The following NME5 variants were observed in gnomAD, a reference collection of about 807,000 sequenced individuals.
NME5 encodes the protein nucleoside diphosphate kinase 5.
Under a neutral mutation model 21.6 loss-of-function variants are expected in NME5, and 18 were observed. The observed-to-expected ratio is 0.83, with a 90% CI of 0.58 to 1.24. The LOEUF (loss-of-function observed/expected upper bound fraction) is 1.24, where lower values mean the gene tolerates loss of function less well. NME5 is among the 50% of genes most tolerant of loss of function. NME5 has a pLI of 0.00. For synonymous variants in NME5, 70 were observed against 80.6 expected, an observed-to-expected ratio of 0.87 and a Z score of 0.71; for missense variants, 223 against 255.4, an observed-to-expected ratio of 0.87 and a Z score of 0.86.
intron 2 of NME5, among the ~76,000 whole-genome samples, chr5:138,134,071 T>G (rs1176063890): frequency 2.0e-5 from 3 of 152,148 alleles, no homozygotes; most frequent in Non-Finnish European, 1.5e-5. Flanking sequence ...CTAGGGAAAG[T>G]GTCATATATA....
At chr5:138,120,175 C>CCACCTCA (rs1751251823) in intron 4 of NME5, among the ~76,000 whole-genome samples, 1 of 151,650 alleles carries the variant, frequency 6.6e-6, no homozygotes, top group African/African-American at 2.4e-5. Flanking sequence ...AGCAATCCTC[C>CCACCTCA]CACCTCAGCC....
At chr5:138,126,510 C>CAAAAAAAAAAAAAAAAAAAAA (rs57938582) in intron 4 of NME5, among the ~76,000 whole-genome samples, 4 of 54,204 alleles carry the variant, frequency 7.4e-5, no homozygotes, top group Non-Finnish European at 9.4e-5. Context: ...GAATCTATCT[C>CAAAAAAAAAAAAAAAAAAAAA]AAAAAAAAAA....
At chr5:138,133,134 T>A (rs1264927784) in intron 2 of NME5, among the ~76,000 whole-genome samples, 2 of 151,224 alleles carry the variant, frequency 1.3e-5, no homozygotes, top group African/African-American at 4.9e-5. Flanking sequence ...CTCATCTCAC[T>A]CTGTCCTCCA....
intron 2 of NME5, among the ~76,000 whole-genome samples, chr5:138,135,780 A>C (rs962439970): frequency 6.6e-6 from 1 of 152,222 alleles, no homozygotes; most frequent in African/African-American, 2.4e-5. Flanking sequence ...TCTTATTCCT[A>C]TCCATTTCCT....
chr5:138,127,134 TTTTG>T (rs1427681599), intron 4 of NME5, among the ~76,000 whole-genome samples: 1 of 152,006 alleles, frequency 6.6e-6, no homozygotes, highest in Non-Finnish European at 1.5e-5. Flanking sequence ...TAAAAGTGGT[TTTTG>T]TTTGTTTGTT....
chr5:138,134,176 A>G (rs145482412), intron 2 of NME5, among the ~76,000 whole-genome samples: 2,684 of 152,182 alleles, frequency 0.018, 54 homozygotes, highest in African/African-American at 0.051. Context: ...CCCGGGTTCA[A>G]GTGATTCTCC....
chr5:138,120,126 C>T (rs1011178346), intron 4 of NME5, among the ~76,000 whole-genome samples: 6 of 151,048 alleles, frequency 4.0e-5, no homozygotes, highest in African/African-American at 1.5e-4. Context: ...TGTTTAGAGA[C>T]AGGGTGTCAC....
chr5:138,122,826 T>G (rs905872579), intron 4 of NME5, among the ~76,000 whole-genome samples: 34 of 151,844 alleles, frequency 2.2e-4, no homozygotes, highest in Admixed American at 5.9e-4. Flanking sequence ...TACAGATGCA[T>G]GCCACTATGC....
intron 2 of NME5, among the ~76,000 whole-genome samples, chr5:138,130,576 G>C (rs1220569713): frequency 6.6e-6 from 1 of 152,118 alleles, no homozygotes; most frequent in East Asian, 1.9e-4. Context: ...ATCACTTGAG[G>C]TCAGGGGTTC....
intron 2 of NME5, among the ~76,000 whole-genome samples, chr5:138,130,534 A>C (rs1751537131): frequency 6.6e-6 from 1 of 152,166 alleles, no homozygotes; most frequent in South Asian, 2.1e-4. Context: ...CAGGCTTGTA[A>C]TCCCAACACT....
chr5:138,120,347 C>T (rs1357556026), intron 4 of NME5, among the ~76,000 whole-genome samples: 2 of 150,486 alleles, frequency 1.3e-5, no homozygotes, highest in African/African-American at 2.4e-5. Context: ...CATTCTCCTG[C>T]CTCAGCCTTC....
At chr5:138,134,404 C>T (rs977822342) in intron 2 of NME5, among the ~76,000 whole-genome samples, 2 of 152,066 alleles carry the variant, frequency 1.3e-5, no homozygotes, top group Admixed American at 1.3e-4. Flanking sequence ...CCACCACGCC[C>T]GGCTAATTTT....
intron 4 of NME5, among the ~76,000 whole-genome samples, chr5:138,122,607 T>C (rs1751312389): frequency 6.6e-6 from 1 of 151,854 alleles, no homozygotes; most frequent in African/African-American, 2.4e-5. Context: ...TGGGCAAATG[T>C]TTTATTCATA....
At chr5:138,126,175 C>T (rs553021907) in intron 4 of NME5, among the ~76,000 whole-genome samples, 53 of 152,190 alleles carry the variant, frequency 3.5e-4, no homozygotes, top group African/African-American at 1.1e-3. Context: ...TCATGCCTAG[C>T]GGATTAATTT....
In NME5 at chr5:138,118,842, A is replaced by G. The variant is rs756677778; in HGVS notation, c.531T>C (p.Cys177=). The part of the protein sequence containing the change: ...PTLLEGLTEL[C]KQKPADPLIW... The stretch of plus-strand genomic sequence containing the variant: ...CCAAAGGATCTGCTGGTTTTTGCTT[A>G]CAAAGCTCTGTGAGTCCTTCAAGCA... The change falls in exon 5 of 6, where the codon TGT becomes TGC. Residue 177 remains cysteine (C), a synonymous_variant. Transcript: ENST00000265191. 3 of 1,610,880 alleles carry G rather than the reference A, an allele frequency of 1.9e-6. No homozygotes were observed. In the South Asian group the frequency reaches 3.3e-5, roughly 18 times the overall value.
chr5:138,120,856 T>C (rs1751271798), intron 4 of NME5, among the ~76,000 whole-genome samples: 1 of 152,268 alleles, frequency 6.6e-6, no homozygotes, highest in Non-Finnish European at 1.5e-5. Flanking sequence ...AATAAACCCA[T>C]CATAAGTTGA....
intron 2 of NME5, among the ~76,000 whole-genome samples, chr5:138,133,845 G>A (rs1751629216): frequency 2.0e-5 from 3 of 152,168 alleles, no homozygotes; most frequent in Admixed American, 1.3e-4. Context: ...GGGAAGCAAC[G>A]AGTTAGCATT....
At chr5:138,138,983 T>G (rs1751797789) in intron 1 of NME5, 198 bp from the exon 2 acceptor site, 1 of 473,198 alleles carries the variant, frequency 2.1e-6, no homozygotes, top group African/African-American at 2.0e-5. Context: ...TCCTACTATG[T>G]CCAAATCGAG....
intron 2 of NME5, among the ~76,000 whole-genome samples, chr5:138,136,296 G>A (rs192516628): frequency 9.0e-4 from 137 of 152,324 alleles, no homozygotes; most frequent in African/African-American, 3.2e-3. Flanking sequence ...TGTTGTATTG[G>A]TAGATAACTG....
Sources: allele counts gnomAD v4.1 joint callset (sites outside exome capture counted in the v4.1 genomes callset), GRCh38; gene constraint gnomAD v4.1.1; transcripts MANE v1.5; gene names NCBI Gene and HGNC (gene_info 2026-07-23, HGNC 2026-07-21).